The following COL4A1 variants were observed in gnomAD, a reference collection of about 807,000 sequenced individuals.
COL4A1 encodes the protein collagen type IV alpha 1 chain.
In COL4A1, 40 loss-of-function variants were observed where a neutral mutation model predicts 216.6. The observed-to-expected ratio is 0.18, with a 90% CI of 0.14 to 0.24. COL4A1 has a LOEUF of 0.24. Ranked by LOEUF, COL4A1 falls within the 10% of genes least tolerant of loss-of-function variation. The probability of loss-of-function intolerance (pLI) is 1.00; values close to 1 mark genes in which losing one functional copy is unlikely to be tolerated. For missense variants in COL4A1, 1,628 were observed against 2,196.8 expected (o/e 0.74, Z 5.18); for synonymous variants, 839 against 810.7 (o/e 1.03, Z -0.59).
chr13:110,197,327 AT>A lies in COL4A1; in HGVS notation c.1285+1139del, dbSNP rs547555158. On this transcript the variant is annotated intron_variant, in intron 21 of 51. Transcript: ENST00000375820. ...GGGTAACCCCTGTCAGCCCCATGGAATACTTGCTCCAGGACAGCAGGATCTG... is the reference window on the plus strand; with the variant it reads ...GGGTAACCCCTGTCAGCCCCATGGAAACTTGCTCCAGGACAGCAGGATCTG... 2.6e-3 allele frequency among the ~76,000 whole-genome samples: 387 copies of A among 151,504 alleles called. 2 individuals carry two copies. The highest frequency in any genetic ancestry group is 4.2e-3 in the Non-Finnish European group (287 of 67,890).
At chr13:110,261,233 A>C (rs1882812620) in intron 1 of COL4A1, among the ~76,000 whole-genome samples, 1 of 152,074 alleles carries the variant, frequency 6.6e-6, no homozygotes. Flanking sequence ...GAGCCCCCAC[A>C]CACCGCCCTG....
intron 26 of COL4A1, among the ~76,000 whole-genome samples, chr13:110,186,016 C>T (rs150519421): frequency 6.6e-6 from 1 of 152,306 alleles, no homozygotes; most frequent in Non-Finnish European, 1.5e-5. Flanking sequence ...TCACACCACT[C>T]GGGATGCACA....
chr13:110,305,109 T>A (rs1483781309), intron 1 of COL4A1, among the ~76,000 whole-genome samples: 1 of 152,202 alleles, frequency 6.6e-6, no homozygotes, highest in Non-Finnish European at 1.5e-5. Context: ...CCATACATCA[T>A]CTGCACATTA....
chr13:110,198,325 G>T, intron 21 of COL4A1, 142 bp downstream of exon 21: 2 of 848,348 alleles, frequency 2.4e-6, no homozygotes, highest in Non-Finnish European at 3.7e-6. Context: ...GATTCCCTTA[G>T]AGGAATATGG....
At chr13:110,172,430 C>T (rs1877688645) in intron 41 of COL4A1, among the ~76,000 whole-genome samples, 1 of 152,230 alleles carries the variant, frequency 6.6e-6, no homozygotes, top group African/African-American at 2.4e-5. Flanking sequence ...TGATGACCTT[C>T]TAGGCATAAA....
At chr13:110,238,073 T>C (rs1349649670) in intron 2 of COL4A1, among the ~76,000 whole-genome samples, 1 of 152,248 alleles carries the variant, frequency 6.6e-6, no homozygotes. Flanking sequence ...TTGTTCTATC[T>C]GATGACAATA....
At chr13:110,176,292 T>G (rs1314980537) in intron 36 of COL4A1, 132 bp downstream of exon 36, 7 of 726,630 alleles carry the variant, frequency 9.6e-6, no homozygotes, top group Non-Finnish European at 2.5e-6. Flanking sequence ...GAGCTGGGGA[T>G]GTGAATTCAT....
intron 2 of COL4A1, among the ~76,000 whole-genome samples, chr13:110,222,063 G>C (rs1880507415): frequency 6.6e-6 from 1 of 152,180 alleles, no homozygotes; most frequent in South Asian, 2.1e-4. Context: ...CCAAGCTCCT[G>C]GTCGGGGCGT....
Position 110,252,552 on chromosome 13 carries a change from CGTAT to C in COL4A1, c.85-9822_85-9819del, listed in dbSNP as rs1246205837. Among the ~76,000 whole-genome samples the C allele has an allele frequency of 2.3e-3, 114 of 49,316 alleles. 54 individuals are homozygous for C. The highest frequency in any genetic ancestry group is 6.5e-3 in the Admixed American group (25 of 3,842). The allele number at this position is 49,316 out of a possible 152,430, so 32.4% of individuals were successfully genotyped here. A position where few individuals can be genotyped will look rare whatever the true frequency, so the allele number is the denominator to read the frequency against. ...TATACGTATATATGTATTATATATA[CGTAT>C]AATTATACGTATATATGTATTATAT... On this transcript the variant is annotated intron_variant, in intron 1 of 51. Coordinates refer to ENST00000375820, the MANE Select transcript of COL4A1 (RefSeq NM_001845.6).
At chr13:110,194,431 T>C (rs1457224442) in intron 22 of COL4A1, among the ~76,000 whole-genome samples, 1 of 152,188 alleles carries the variant, frequency 6.6e-6, no homozygotes, top group Non-Finnish European at 1.5e-5. Flanking sequence ...GCAGGACTGT[T>C]GATGCAGTGA....
intron 2 of COL4A1, among the ~76,000 whole-genome samples, chr13:110,233,886 G>A (rs746766579): frequency 4.6e-5 from 7 of 152,172 alleles, no homozygotes; most frequent in Non-Finnish European, 7.3e-5. Flanking sequence ...CTTCTGTCAC[G>A]GATGGAACAG....
At chr13:110,269,847 C>T (rs1883182790) in intron 1 of COL4A1, among the ~76,000 whole-genome samples, 1 of 151,804 alleles carries the variant, frequency 6.6e-6, no homozygotes. Context: ...AGGAAGGAAA[C>T]GTGTTAGCCT....
At chr13:110,282,459 A>G (rs1234444764) in intron 1 of COL4A1, among the ~76,000 whole-genome samples, 1 of 152,140 alleles carries the variant, frequency 6.6e-6, no homozygotes, top group Non-Finnish European at 1.5e-5. Context: ...CTTCCCTGGC[A>G]TGGCTGCATC....
intron 44 of COL4A1, among the ~76,000 whole-genome samples, chr13:110,166,953 A>C (rs993523209): frequency 3.3e-5 from 5 of 152,234 alleles, no homozygotes; most frequent in African/African-American, 7.2e-5. Flanking sequence ...TCTTAATAAG[A>C]AAATCAGAAT....
At position 110,173,227 on chromosome 13, in the gene COL4A1, T is replaced by C. The variant is rs573865705; in HGVS notation, c.3506-457A>G. On this transcript the variant is annotated intron_variant, in intron 40 of 51. Coordinates refer to ENST00000375820, the MANE Select transcript of COL4A1 (RefSeq NM_001845.6). ...GGAAAGGAGTGCAGGGGTATTTTTA[T>C]GAATTGTTTGTATAGAAAAACAAAT... 4.6e-5 allele frequency among the ~76,000 whole-genome samples: 7 copies of C among 151,958 alleles called. No homozygotes were observed. In the South Asian group the frequency reaches 1.5e-3, roughly 32 times the overall value.
At chr13:110,276,974 G>A (rs1883455158) in intron 1 of COL4A1, among the ~76,000 whole-genome samples, 1 of 152,190 alleles carries the variant, frequency 6.6e-6, no homozygotes, top group African/African-American at 2.4e-5. Flanking sequence ...TTTAAAAGCA[G>A]GGACCCACTG....
Position 110,174,010 on chromosome 13 carries a change from A to G in COL4A1, c.3407-12T>C, listed in dbSNP as rs777077214. ...AGTCCCAGGAAGACCTCAAAGAGAAAAGTCACATCAGACACCCGCATAACC... is the reference window on the plus strand; with the variant it reads ...AGTCCCAGGAAGACCTCAAAGAGAAGAGTCACATCAGACACCCGCATAACC... On this transcript the variant is annotated splice_polypyrimidine_tract_variant and intron_variant, in intron 39 of 51. Transcript: ENST00000375820. The G allele has an allele frequency of 6.2e-7, 1 of 1,613,910 alleles. No homozygotes were observed. Among genetic ancestry groups the G allele is most frequent in the South Asian group, 1.1e-5 (1 of 91,080 alleles).
In COL4A1 at chr13:110,257,809, C is replaced by T. The variant is rs114199911; in HGVS notation, c.85-15075G>A. ...GTCTAATTAATTGACAAGCGTAATG[C>T]TATGTAGCTATTGAAATGTGCTACA... is the stretch of plus-strand genomic sequence containing the variant. On this transcript the variant is annotated intron_variant, in intron 1 of 51. Transcript: ENST00000375820. Among the ~76,000 whole-genome samples the T allele has an allele frequency of 4.0e-3, 605 of 152,320 alleles. 1 individual carries two copies. Among genetic ancestry groups the T allele is most frequent in the African/African-American group, 0.014 (562 of 41,570 alleles).
At position 110,243,320 on chromosome 13, in the gene COL4A1, C is replaced by T. The variant is rs1881646696; in HGVS notation, c.85-586G>A. Among the ~76,000 whole-genome samples the T allele has an allele frequency of 4.0e-5, 6 of 151,870 alleles. No individual in the cohort carries two copies. In the South Asian group the frequency reaches 1.0e-3, roughly 26 times the overall value. The stretch of plus-strand genomic sequence containing the variant: ...TCAACAACAAAATATTCTTGTAGTT[C>T]ACTTTTTTTTTTTTAAGACAAAGTG... On this transcript the variant is annotated intron_variant, in intron 1 of 51. Coordinates refer to ENST00000375820, the MANE Select transcript of COL4A1 (RefSeq NM_001845.6).
Sources: allele counts gnomAD v4.1 joint callset (sites outside exome capture counted in the v4.1 genomes callset), GRCh38; gene constraint gnomAD v4.1.1; transcripts MANE v1.5; gene names NCBI Gene and HGNC (gene_info 2026-07-23, HGNC 2026-07-21).